Variants in CAMK2G observed in about 807,000 individuals in gnomAD.
CAMK2G encodes calcium/calmodulin dependent protein kinase II gamma.
CAMK2G carries 23 observed loss-of-function variants against 88.7 expected under a neutral mutation model. That is an observed-to-expected ratio of 0.26 (90% CI 0.19 to 0.37). The LOEUF is 0.37. CAMK2G is among the 10% of genes least tolerant of loss of function. The pLI is 1.00. For missense variants in CAMK2G, 476 were observed against 780.8 expected (o/e 0.61, Z 4.65); for synonymous variants, 263 against 294.8 (o/e 0.89, Z 1.11).
At chr10:73,859,915 A>G (rs1195162771) in intron 3 of CAMK2G, among the ~76,000 whole-genome samples, 2 of 152,140 alleles carry the variant, frequency 1.3e-5, no homozygotes, top group African/African-American at 4.8e-5. Flanking sequence ...CTGGCCGCCA[A>G]CAGAGCAGAG....
At chr10:73,815,376 C>CCA in intron 21 of CAMK2G, 129 bp from the exon 22 acceptor site, 1 of 654,734 alleles carries the variant, frequency 1.5e-6, no homozygotes, top group Non-Finnish European at 2.7e-6. Flanking sequence ...ACCGCCCCCC[C>CCA]CCACCCCCGA....
chr10:73,856,446 G>A (rs757020520), intron 3 of CAMK2G, among the ~76,000 whole-genome samples: 1 of 152,220 alleles, frequency 6.6e-6, no homozygotes, highest in Non-Finnish European at 1.5e-5. Context: ...CAGCTACCCC[G>A]GAGCAGGCGA....
At chr10:73,861,424 C>T (rs1318521631) in intron 2 of CAMK2G, among the ~76,000 whole-genome samples, 2 of 152,158 alleles carry the variant, frequency 1.3e-5, no homozygotes, top group Admixed American at 1.3e-4. Context: ...GGTGTGATCT[C>T]AGCTCACTGC....
intron 5 of CAMK2G, among the ~76,000 whole-genome samples, chr10:73,849,775 T>C (rs2094493790): frequency 6.6e-6 from 1 of 152,174 alleles, no homozygotes; most frequent in Non-Finnish European, 1.5e-5. Context: ...CTAAGCTACT[T>C]TGGCGGTGGG....
intron 15 of CAMK2G, among the ~76,000 whole-genome samples, chr10:73,827,210 G>A (rs2091227635): frequency 6.6e-6 from 1 of 152,022 alleles, no homozygotes; most frequent in South Asian, 2.1e-4. Context: ...TTTTTGAGAC[G>A]GAGTCTAGCT....
chr10:73,842,512 A>G lies in CAMK2G; in HGVS notation c.849T>C (p.His283=), dbSNP rs2093878799. 1.1e-5 allele frequency: 17 copies of G among 1,613,816 alleles called. No individual in the cohort carries two copies. The highest frequency in any genetic ancestry group is 1.4e-5 in the Non-Finnish European group (17 of 1,179,798). ...GCAAACACTCCACAGTCTCCTGACGATGCATCATGGATGCCACCGTGGATC... is the reference window on the plus strand; with the variant it reads ...GCAAACACTCCACAGTCTCCTGACGGTGCATCATGGATGCCACCGTGGATC... ...CQRSTVASMM[H]RQETVECLRK... is the part of the protein sequence containing the mutation. The change falls in exon 11 of 23, where the codon CAT becomes CAC. Residue 283 remains histidine (H), a synonymous_variant. Transcript: ENST00000423381. This position sits in a 1 kb window ranked among gnomAD's most constrained non-coding sequence, Gnocchi z 4.6.
At chr10:73,823,379 C>G (rs1175588580) in intron 17 of CAMK2G, among the ~76,000 whole-genome samples, 1 of 152,142 alleles carries the variant, frequency 6.6e-6, no homozygotes, top group Non-Finnish European at 1.5e-5. Context: ...CCACACCTGC[C>G]TACTTTTTTG....
chr10:73,833,909 GTTTTTTTTTTTT>G (rs778838628), intron 14 of CAMK2G, among the ~76,000 whole-genome samples: 2 of 63,394 alleles, frequency 3.2e-5, no homozygotes, highest in Non-Finnish European at 5.2e-5. Context: ...TATCTACTGG[GTTTTTTTTTTTT>G]TTTTTTTTTT....
chr10:73,836,298 C>T (rs2093209068), intron 14 of CAMK2G, among the ~76,000 whole-genome samples: 1 of 152,152 alleles, frequency 6.6e-6, no homozygotes, highest in Non-Finnish European at 1.5e-5. Context: ...CAGGTGCGGC[C>T]CCCTTCCTAT....
intron 2 of CAMK2G, among the ~76,000 whole-genome samples, chr10:73,866,528 A>G (rs1591355229): frequency 1.3e-5 from 2 of 152,306 alleles, no homozygotes; most frequent in Non-Finnish European, 2.9e-5. Flanking sequence ...GTAAACATAC[A>G]ATCCTCTGTA....
At chr10:73,871,531 A>G (rs1472892769) in intron 2 of CAMK2G, among the ~76,000 whole-genome samples, 1 of 152,142 alleles carries the variant, frequency 6.6e-6, no homozygotes, top group Non-Finnish European at 1.5e-5. Context: ...TGTGTGGGCA[A>G]GAGAGGTATC....
intron 1 of CAMK2G, chr10:73,873,588 C>G: frequency 1.1e-6 from 1 of 933,780 alleles, no homozygotes; most frequent in Non-Finnish European, 1.3e-6. Context: ...CAGCCGGTTT[C>G]ATCTCACTGC....
At chr10:73,822,967 T>C (rs2089544809) in intron 17 of CAMK2G, among the ~76,000 whole-genome samples, 1 of 152,128 alleles carries the variant, frequency 6.6e-6, no homozygotes, top group African/African-American at 2.4e-5. Flanking sequence ...GTTCAAGCGA[T>C]TCTCCTGCCT....
chr10:73,874,523 G>T lies in CAMK2G; in HGVS notation c.-62C>A. 1 of 1,210,730 alleles carries T rather than the reference G, an allele frequency of 8.3e-7. No individual in the cohort carries two copies. Among genetic ancestry groups the T allele is most frequent in the Non-Finnish European group, 1.1e-6 (1 of 903,874 alleles). The allele number at this position is 1,210,730 out of a possible 1,614,324, so 75.0% of individuals were successfully genotyped here. A position where few individuals can be genotyped will look rare whatever the true frequency, so the allele number is the denominator to read the frequency against. On this transcript the variant is annotated 5_prime_UTR_variant, in exon 1 of 23. Coordinates refer to ENST00000423381, the MANE Select transcript of CAMK2G (RefSeq NM_001367534.1). ...CCGACGTCGGTGCACAGTCACCGCCGCCCGGCCGAGGGAGCAAGAGGAGGA... is the reference window on the plus strand; with the variant it reads ...CCGACGTCGGTGCACAGTCACCGCCTCCCGGCCGAGGGAGCAAGAGGAGGA...
intron 17 of CAMK2G, among the ~76,000 whole-genome samples, chr10:73,822,017 A>G (rs1042405315): frequency 2.6e-5 from 4 of 152,138 alleles, no homozygotes; most frequent in Admixed American, 1.3e-4. Flanking sequence ...CTAAAATAAA[A>G]TCTTCTGGTT....
intron 2 of CAMK2G, among the ~76,000 whole-genome samples, chr10:73,864,330 T>C (rs2095503015): frequency 6.6e-6 from 1 of 150,834 alleles, no homozygotes; most frequent in Non-Finnish European, 1.5e-5. Context: ...AGGCCTACTA[T>C]GTGACAGACA....
rs908594003 is a variant in CAMK2G at position 73,847,259 on chromosome 10, G to A, written c.785C>T (p.Thr262Met). ...CGGGTGCTTGAGAGCCTGGTCAGCC[G>A]TGATGCGCTTTGCTGGGTTTATGGT... ...MLTINPAKRI[T>M]ADQALKHPWV... The change falls in exon 10 of 23, where the codon ACG becomes ATG. Residue 262 changes from threonine (T) to methionine (M), a missense_variant. Around this residue, in one of 3 missense-constraint regions of CAMK2G, gnomAD observed 164 missense variants for 385.6 expected, o/e 0.43. Coordinates refer to ENST00000423381, the MANE Select transcript of CAMK2G (RefSeq NM_001367534.1). 16 of 1,614,080 alleles carry A rather than the reference G, an allele frequency of 9.9e-6. No homozygotes were observed. The Admixed American group carries it at 1.0e-4, about 10-fold the overall frequency.
chr10:73,838,288 G>A (rs534778888), intron 13 of CAMK2G, among the ~76,000 whole-genome samples: 26 of 152,344 alleles, frequency 1.7e-4, no homozygotes, highest in African/African-American at 5.8e-4. Flanking sequence ...GGGAGGCACA[G>A]GGAGATGGAA....
At chr10:73,822,311 G>A (rs1461469974) in intron 17 of CAMK2G, among the ~76,000 whole-genome samples, 1 of 152,188 alleles carries the variant, frequency 6.6e-6, no homozygotes, top group South Asian at 2.1e-4. Flanking sequence ...GGGATTACAG[G>A]TGCCTGCCAC....
Sources: gnomAD v4.1 joint callset for allele counts (sites outside exome capture counted in the v4.1 genomes callset) on GRCh38, gnomAD v4.1.1 for gene constraint, gnomAD v4.1.1 regional missense constraint, Gnocchi (gnomAD v3.1) non-coding constraint, MANE v1.5 for transcripts, NCBI Gene and HGNC (gene_info 2026-07-23, HGNC 2026-07-21) for gene names.